The following IDO2 variants were observed in gnomAD, a reference collection of about 807,000 sequenced individuals.
The protein encoded by IDO2 is indoleamine 2,3-dioxygenase-like 1 protein.
In IDO2, 46 loss-of-function variants were observed where a neutral mutation model predicts 45.1. That is an observed-to-expected ratio of 1.02 (90% confidence interval 0.80 to 1.30). IDO2 has a LOEUF of 1.30. Ranked by LOEUF, IDO2 falls within the 50% of genes most tolerant of loss-of-function variation. The pLI, the probability that IDO2 is intolerant of heterozygous loss-of-function variation, is 0.00. For synonymous variants in IDO2, 218 were observed against 184.9 expected (o/e 1.18, Z -1.45); for missense variants, 544 against 491.8 (o/e 1.11, Z -1.00).
chr8:40,008,243 A>C (rs991934049), intron 9 of IDO2, among the ~76,000 whole-genome samples: 1 of 151,850 alleles, frequency 6.6e-6, no homozygotes, highest in Admixed American at 6.6e-5. Flanking sequence ...ATGTGGTCTC[A>C]CCATGTTGGC....
chr8:39,976,168 G>C (rs1239904906), intron 3 of IDO2, among the ~76,000 whole-genome samples: 1 of 151,988 alleles, frequency 6.6e-6, no homozygotes, highest in East Asian at 1.9e-4. Flanking sequence ...TTATAGAGAT[G>C]GGATTTCACC....
intron 1 of IDO2, among the ~76,000 whole-genome samples, chr8:39,942,661 G>GT (rs2129593041): frequency 1.3e-5 from 2 of 152,186 alleles, no homozygotes; most frequent in African/African-American, 4.8e-5. Flanking sequence ...AACAAAATCA[G>GT]TAAGAAAGTC....
At chr8:39,935,999 G>C (rs577665059) in intron 1 of IDO2, among the ~76,000 whole-genome samples, 1 of 152,282 alleles carries the variant, frequency 6.6e-6, no homozygotes, top group South Asian at 2.1e-4. Flanking sequence ...ACTTCTGAAA[G>C]AGGTCTTAGT....
At chr8:39,954,853 C>T (rs369148693) in intron 2 of IDO2, among the ~76,000 whole-genome samples, 2 of 151,406 alleles carry the variant, frequency 1.3e-5, no homozygotes, top group African/African-American at 2.4e-5. Context: ...GATAGGGTTT[C>T]GCTATTTTGG....
intron 3 of IDO2, among the ~76,000 whole-genome samples, chr8:39,976,327 A>G (rs1808259279): frequency 6.6e-6 from 1 of 152,172 alleles, no homozygotes; most frequent in African/African-American, 2.4e-5. Context: ...AAGGATATAT[A>G]AATAGCGAGG....
At chr8:39,973,356 G>A (rs565339615) in intron 3 of IDO2, among the ~76,000 whole-genome samples, 112 of 152,134 alleles carry the variant, frequency 7.4e-4, no homozygotes, top group African/African-American at 2.6e-3. Flanking sequence ...TAGAATTAGT[G>A]ACATCCCAGT....
chr8:39,953,982 T>C (rs1238449540), intron 2 of IDO2, among the ~76,000 whole-genome samples: 3 of 152,248 alleles, frequency 2.0e-5, no homozygotes, highest in Non-Finnish European at 2.9e-5. Flanking sequence ...TCTAACCGAA[T>C]GCCATTTGTT....
chr8:40,007,439 A>G (rs1047490666), intron 9 of IDO2, among the ~76,000 whole-genome samples: 1 of 152,060 alleles, frequency 6.6e-6, no homozygotes, highest in Non-Finnish European at 1.5e-5. Context: ...GATTGAGAGT[A>G]ATGGGTGTAT....
chr8:39,956,060 T>A, intron 2 of IDO2, among the ~76,000 whole-genome samples: 1 of 24,940 alleles, frequency 4.0e-5, no homozygotes, highest in South Asian at 1.8e-3. Context: ...ATTAGATGAC[T>A]TTTTTTTTTT....
At chr8:39,997,242 A>G (rs988997164) in intron 8 of IDO2, among the ~76,000 whole-genome samples, 6 of 152,238 alleles carry the variant, frequency 3.9e-5, no homozygotes, top group African/African-American at 1.4e-4. Flanking sequence ...GGCATGACTC[A>G]ATATGAAAAT....
At chr8:39,948,234 G>C (rs1206298138) in intron 1 of IDO2, among the ~76,000 whole-genome samples, 1 of 152,174 alleles carries the variant, frequency 6.6e-6, no homozygotes, top group Admixed American at 6.6e-5. Flanking sequence ...AAAAGTTATT[G>C]TGTTGTTTCT....
At chr8:40,015,176 A>T in intron 10 of IDO2, 71 bp from the exon 11 acceptor site, 1 of 925,306 alleles carries the variant, frequency 1.1e-6, no homozygotes, top group Non-Finnish European at 1.7e-6. Context: ...AATAAAAAAG[A>T]AGAAGAAGCA....
chr8:39,992,896 T>C (rs899418179), intron 8 of IDO2, among the ~76,000 whole-genome samples: 15 of 152,074 alleles, frequency 9.9e-5, no homozygotes, highest in African/African-American at 3.6e-4. Context: ...TGCAGTGGCG[T>C]TTTGGAGAGC....
chr8:39,939,546 C>CAAAAAAAAA (rs55892879), intron 1 of IDO2, among the ~76,000 whole-genome samples: 3 of 71,266 alleles, frequency 4.2e-5, no homozygotes, highest in Non-Finnish European at 4.9e-5. Flanking sequence ...GACTCTGTCT[C>CAAAAAAAAA]AAAAAAAAAA....
chr8:39,980,057 C>G (rs924709605), intron 4 of IDO2, among the ~76,000 whole-genome samples: 2 of 152,140 alleles, frequency 1.3e-5, no homozygotes, highest in Non-Finnish European at 2.9e-5. Flanking sequence ...CTCCTGGCCT[C>G]AAGTGATCCT....
chr8:40,006,474 C>T (rs765067542), intron 9 of IDO2, among the ~76,000 whole-genome samples: 6 of 152,038 alleles, frequency 3.9e-5, no homozygotes, highest in Non-Finnish European at 7.3e-5. Context: ...CAGGATGTAA[C>T]CCACTGTGAA....
exon 11 of IDO2, chr8:40,015,985 C>A (rs753901508): frequency 5.3e-6 from 2 of 379,606 alleles, no homozygotes; most frequent in Non-Finnish European, 4.7e-6. Flanking sequence ...ATTCACTTAA[C>A]AATTCATTAA....
intron 9 of IDO2, among the ~76,000 whole-genome samples, chr8:40,012,040 G>A (rs1802317751): frequency 6.6e-6 from 1 of 152,164 alleles, no homozygotes; most frequent in Non-Finnish European, 1.5e-5. Flanking sequence ...CCAACCCAAA[G>A]CGTCCCCAGT....
chr8:39,935,138 G>A, exon 1 of IDO2: 1 of 1,532,668 alleles, frequency 6.5e-7, no homozygotes, highest in Non-Finnish European at 9.0e-7. Flanking sequence ...CTAAAGAACA[G>A]AATGAAAACC....
Sources: allele counts gnomAD v4.1 joint callset (sites outside exome capture counted in the v4.1 genomes callset), GRCh38; gene constraint gnomAD v4.1.1; transcripts MANE v1.5; gene names NCBI Gene and HGNC (gene_info 2026-07-23, HGNC 2026-07-21).